DIAPH3: variants seen among roughly 807,000 people sequenced by gnomAD.
DIAPH3 encodes protein diaphanous homolog 3.
A neutral mutation model predicts 144.3 loss-of-function variants in DIAPH3; 117 were observed. That is an observed-to-expected ratio of 0.81 (90% CI 0.70 to 0.95). The LOEUF (loss-of-function observed/expected upper bound fraction) is 0.95. Among genes scored for constraint, DIAPH3 ranks in the 40% least tolerant of loss-of-function variants. The probability of loss-of-function intolerance (pLI) is 0.00; values close to 1 mark genes in which losing one functional copy is unlikely to be tolerated. For missense variants in DIAPH3, 1,421 were observed against 1,412.7 expected (o/e 1.01, Z -0.09); for synonymous variants, 519 against 488.9 (o/e 1.06, Z -0.81).
At chr13:60,158,723 C>G (rs1413560043) in intron 1 of DIAPH3, among the ~76,000 whole-genome samples, 4 of 151,878 alleles carry the variant, frequency 2.6e-5, no homozygotes, top group Admixed American at 2.6e-4. Context: ...CAAACTCAGG[C>G]AGGCAAGCAC....
intron 27 of DIAPH3, among the ~76,000 whole-genome samples, chr13:59,709,255 A>G (rs956875178): frequency 5.9e-5 from 9 of 152,232 alleles, no homozygotes; most frequent in Non-Finnish European, 1.3e-4. Context: ...GGCTACAGCT[A>G]AGATAGAAAA....
chr13:60,008,289 G>A (rs968978132), intron 9 of DIAPH3, among the ~76,000 whole-genome samples: 4 of 152,018 alleles, frequency 2.6e-5, no homozygotes, highest in South Asian at 4.2e-4. Flanking sequence ...CCAGCTACTC[G>A]GGAGGCTGAG....
chr13:60,002,818 G>C (rs182954657), intron 9 of DIAPH3, among the ~76,000 whole-genome samples: 2 of 152,110 alleles, frequency 1.3e-5, no homozygotes, highest in Non-Finnish European at 2.9e-5. Flanking sequence ...TCAATCAGTC[G>C]TATGACCAAC....
At chr13:59,838,665 G>C (rs562645884) in intron 23 of DIAPH3, 2 of 152,254 alleles carry the variant, frequency 1.3e-5, no homozygotes, top group South Asian at 4.2e-4. Context: ...ATCACATCAT[G>C]AGTTTAGAGT....
intron 27 of DIAPH3, among the ~76,000 whole-genome samples, chr13:59,721,513 C>G (rs556002111): frequency 7.9e-5 from 12 of 152,064 alleles, no homozygotes; most frequent in Non-Finnish European, 1.6e-4. Context: ...GTCAATGTCT[C>G]TTCATCTGCA....
At chr13:60,140,112 G>A (rs1042840961) in intron 1 of DIAPH3, among the ~76,000 whole-genome samples, 6 of 152,202 alleles carry the variant, frequency 3.9e-5, no homozygotes, top group African/African-American at 1.4e-4. Context: ...ACTTCTGAGA[G>A]TGGCTTAGCA....
At chr13:59,770,105 C>T (rs974878209) in intron 27 of DIAPH3, among the ~76,000 whole-genome samples, 1 of 152,064 alleles carries the variant, frequency 6.6e-6, no homozygotes, top group Non-Finnish European at 1.5e-5. Flanking sequence ...GATCCGACAA[C>T]TCTTTGAAGC....
chr13:59,729,609 G>C (rs1032120906), intron 27 of DIAPH3, among the ~76,000 whole-genome samples: 1 of 151,794 alleles, frequency 6.6e-6, no homozygotes. Context: ...GTGATAAATT[G>C]CAAAGACCTA....
In DIAPH3 at chr13:59,996,000, A is replaced by G. The variant is rs117830467; in HGVS notation, c.1015-3417T>C. ...AAAAGTTAAAAACCATAAGTGAGGTAGAAGGAAAACAAGGAGATTGTGGTG... is the reference window on the plus strand; with the variant it reads ...AAAAGTTAAAAACCATAAGTGAGGTGGAAGGAAAACAAGGAGATTGTGGTG... On this transcript the variant is annotated intron_variant, in intron 9 of 27. Coordinates refer to ENST00000400324, the MANE Select transcript of DIAPH3 (RefSeq NM_001042517.2). Among the ~76,000 whole-genome samples, 273 of 152,186 alleles carry G rather than the reference A, an allele frequency of 1.8e-3. 2 individuals carry two copies. The highest frequency in any genetic ancestry group is 3.3e-3 in the Non-Finnish European group (226 of 67,972).
chr13:59,992,045 T>C, intron 11 of DIAPH3, 23 bp downstream of exon 11: 2 of 1,575,720 alleles, frequency 1.3e-6, no homozygotes, highest in Non-Finnish European at 1.7e-6. Flanking sequence ...ATGATTTGAC[T>C]AGACTTCAGA....
At chr13:59,687,869 C>T (rs1023379611) in intron 27 of DIAPH3, among the ~76,000 whole-genome samples, 8 of 152,012 alleles carry the variant, frequency 5.3e-5, no homozygotes, top group Non-Finnish European at 1.2e-4. Flanking sequence ...ATATTAACAA[C>T]TAAAACTTTA....
intron 4 of DIAPH3, among the ~76,000 whole-genome samples, chr13:60,049,074 T>C (rs1003658450): frequency 5.3e-5 from 8 of 152,212 alleles, no homozygotes; most frequent in African/African-American, 1.9e-4. Flanking sequence ...AATGAAATAC[T>C]ATGCAGCAAT....
intron 17 of DIAPH3, among the ~76,000 whole-genome samples, chr13:59,941,774 C>G (rs2048545748): frequency 6.6e-6 from 1 of 151,832 alleles, no homozygotes; most frequent in African/African-American, 2.4e-5. Flanking sequence ...TCCCCTGCAA[C>G]TCAATTAGGA....
chr13:59,826,844 A>G (rs2041461777), intron 24 of DIAPH3, among the ~76,000 whole-genome samples: 1 of 152,068 alleles, frequency 6.6e-6, no homozygotes, highest in Non-Finnish European at 1.5e-5. Flanking sequence ...ATATAGATCA[A>G]TGGAACAGAA....
chr13:59,804,363 T>C lies in DIAPH3; in HGVS notation c.3163+6425A>G, dbSNP rs148191862. On this transcript the variant is annotated intron_variant, in intron 25 of 27. Transcript: ENST00000400324. ...CCCTTTTTCCTGTACCATGGTTAAA[T>C]CATCAGTGGTAAAATATAATAGCAC... 4.6e-5 allele frequency among the ~76,000 whole-genome samples: 7 copies of C among 152,292 alleles called. No individual in the cohort carries two copies. In the East Asian group the frequency reaches 1.3e-3, roughly 29 times the overall value.
In DIAPH3 at chr13:59,983,839, C is replaced by A. The variant is rs745499897; in HGVS notation, c.1410G>T (p.Leu470Phe). The A allele has an allele frequency of 2.5e-6, 4 of 1,610,004 alleles. No individual in the cohort carries two copies. The highest frequency in any genetic ancestry group is 1.1e-5 in the South Asian group (1 of 90,964). Residue 470 changes from leucine (L) to phenylalanine (F), a missense_variant, in exon 13 of 28, where the codon TTG becomes TTT. Leu to Phe is a conservative substitution (Grantham distance 22). Coordinates refer to ENST00000400324, the MANE Select transcript of DIAPH3 (RefSeq NM_001042517.2). The part of the protein sequence containing the change: ...LIDECVSQIV[L>F]HRDGMDPDFT... ...AGTCTGGATCCATTCCATCTCTATG[C>A]AATACAATCTGGGATACACACTCAT...
chr13:59,805,897 A>T (rs1417379378), intron 25 of DIAPH3, among the ~76,000 whole-genome samples: 1 of 151,976 alleles, frequency 6.6e-6, no homozygotes, highest in Non-Finnish European at 1.5e-5. Context: ...ATAATAGTAG[A>T]TTTGGAAATA....
At chr13:59,694,590 A>G (rs1007106353) in intron 27 of DIAPH3, among the ~76,000 whole-genome samples, 10 of 152,200 alleles carry the variant, frequency 6.6e-5, no homozygotes, top group South Asian at 2.1e-4. Flanking sequence ...AAAATAAACA[A>G]TGCTCTTGGG....
At chr13:60,075,996 G>C (rs12862438) in intron 4 of DIAPH3, among the ~76,000 whole-genome samples, 1 of 152,176 alleles carries the variant, frequency 6.6e-6, no homozygotes, top group East Asian at 1.9e-4. Flanking sequence ...GCACATGCAG[G>C]GGGTCCCCTT....
Sources: allele counts gnomAD v4.1 joint callset (sites outside exome capture counted in the v4.1 genomes callset), GRCh38; gene constraint gnomAD v4.1.1; transcripts MANE v1.5; gene names NCBI Gene and HGNC (gene_info 2026-07-23, HGNC 2026-07-21).